Variants in OCA2 observed in about 807,000 individuals in gnomAD.
OCA2 encodes the protein P protein.
In OCA2, 77 loss-of-function variants were observed where a neutral mutation model predicts 100.2. The ratio of observed to expected loss-of-function variants is 0.77; its 90% CI spans 0.64 to 0.93. The LOEUF (loss-of-function observed/expected upper bound fraction) is 0.93, where lower values mean the gene tolerates loss of function less well. OCA2 is among the 40% of genes least tolerant of loss of function. The pLI, the probability that OCA2 is intolerant of heterozygous loss-of-function variation, is 0.00. For synonymous variants in OCA2, 432 were observed against 439.2 expected, an observed-to-expected ratio of 0.98 and a Z score of 0.21; for missense variants, 1,062 against 1,089.1, an observed-to-expected ratio of 0.98 and a Z score of 0.35.
At chr15:28,098,182 T>C (rs1167741604) in intron 1 of OCA2, among the ~76,000 whole-genome samples, 3 of 152,250 alleles carry the variant, frequency 2.0e-5, no homozygotes, top group Admixed American at 6.5e-5. Flanking sequence ...ATTACACCAA[T>C]GTGAACTGCA....
At chr15:27,845,498 G>A (rs995528225) in intron 22 of OCA2, among the ~76,000 whole-genome samples, 4 of 152,204 alleles carry the variant, frequency 2.6e-5, no homozygotes, top group African/African-American at 9.6e-5. Flanking sequence ...AAACAACCAG[G>A]TGGAACCCCT....
chr15:27,952,033 A>C lies in OCA2; in HGVS notation c.1843-141T>G, dbSNP rs186343629. ...TCTCGAACTTGAAAGAAAATGGCAA[A>C]GTACTGTGTTACAAGGAAACCCGTA... is the stretch of plus-strand genomic sequence containing the variant. On this transcript the variant is annotated intron_variant, in intron 17 of 23. Coordinates refer to ENST00000354638, the MANE Select transcript of OCA2 (RefSeq NM_000275.3). 1.1e-4 allele frequency: 76 copies of C among 720,730 alleles called. No individual in the cohort carries two copies. The African/African-American group carries it at 1.1e-3, about 11-fold the overall frequency. The allele number at this position is 720,730 out of a possible 1,614,324, so 44.6% of individuals were successfully genotyped here.
chr15:28,013,399 C>T (rs1430577775), intron 9 of OCA2, among the ~76,000 whole-genome samples: 1 of 152,140 alleles, frequency 6.6e-6, no homozygotes, highest in African/African-American at 2.4e-5. Flanking sequence ...CGGGACTATT[C>T]CCTCATTACC....
the OCA2 span, among the ~76,000 whole-genome samples, chr15:27,737,544 C>CA: frequency 2.6e-5 from 4 of 151,836 alleles, no homozygotes; most frequent in East Asian, 1.9e-4. Context: ...ATATCCATAC[C>CA]AAAAAAATGC....
rs138788647 is a variant in OCA2, at chr15:27,840,668, G to T, written c.2432+4291C>A. On this transcript the variant is annotated intron_variant, in intron 23 of 23. Coordinates refer to ENST00000354638, the MANE Select transcript of OCA2 (RefSeq NM_000275.3). ...ACAGCAACTCAACGGAGGAACCATA[G>T]CCATTGCACCAAACGGTGCTAGAGT... is the stretch of plus-strand genomic sequence containing the variant. Among the ~76,000 whole-genome samples the T allele has an allele frequency of 2.6e-3, 401 of 152,274 alleles. 2 individuals are homozygous for T. The highest frequency in any genetic ancestry group is 9.3e-3 in the African/African-American group (388 of 41,556).
chr15:27,988,502 C>CA (rs201911192), intron 11 of OCA2, among the ~76,000 whole-genome samples: 3,242 of 152,170 alleles, frequency 0.021, 54 homozygotes, highest in Middle Eastern at 0.071. Context: ...ACGGGGAAGA[C>CA]AAAGTGAAAA....
chr15:27,942,233 G>C (rs993571033), intron 18 of OCA2, among the ~76,000 whole-genome samples: 10 of 147,754 alleles, frequency 6.8e-5, no homozygotes, highest in Non-Finnish European at 1.0e-4. Flanking sequence ...TATTATATAT[G>C]ATATACATAC....
intron 9 of OCA2, among the ~76,000 whole-genome samples, chr15:27,998,642 G>A (rs1422407690): frequency 5.1e-5 from 7 of 137,322 alleles, no homozygotes; most frequent in Admixed American, 3.8e-4. Flanking sequence ...TCAGTGTGGC[G>A]ATTCCTCAGG....
intron 19 of OCA2, among the ~76,000 whole-genome samples, chr15:27,877,279 G>A (rs56128239): frequency 0.42 from 63,530 of 151,198 alleles, 15,115 homozygotes; most frequent in African/African-American, 0.63. Context: ...GACCGTGCAC[G>A]CATGACAAGA....
the OCA2 span, among the ~76,000 whole-genome samples, chr15:27,732,718 CA>C: frequency 2.4e-4 from 37 of 152,302 alleles, no homozygotes; most frequent in African/African-American, 7.7e-4. Flanking sequence ...GCACTCTGCT[CA>C]CTAGCACAAG....
intron 4 of OCA2, 127 bp downstream of exon 4, chr15:28,027,744 C>T (rs1247920305): frequency 4.1e-6 from 4 of 971,196 alleles, no homozygotes; most frequent in Admixed American, 4.1e-5. Flanking sequence ...AGGAAAAGTG[C>T]AGCCTGGCCA....
chr15:28,014,841 C>A lies in OCA2; in HGVS notation c.979G>T (p.Val327Leu), dbSNP rs749321625. 1.2e-6 allele frequency: 2 copies of A among 1,614,020 alleles called. No homozygotes were observed. The highest frequency in any genetic ancestry group is 1.7e-6 in the Non-Finnish European group (2 of 1,180,044). The stretch of plus-strand genomic sequence containing the variant: ...GTCGCGATGGTCACCTGGGTTTCTA[C>A]ACTTCCGCGGAGGTACTGATGAGCC... Reference protein sequence around the residue: ...LMAHQYLRGSVETQVTIATAI... With the variant: ...LMAHQYLRGSLETQVTIATAI... The change falls in exon 9 of 24, where the codon GTA becomes TTA. Residue 327 changes from valine to leucine, a missense_variant. By Grantham distance (32) the Val-to-Leu change is conservative. Transcript: ENST00000354638.
rs1213680494 is a variant in OCA2 at position 28,082,926 on chromosome 15, C to T, written c.-21-1031G>A. ...TGGGGCTTATATTTCAAACCACTCACCATTTTATTTTTTGCATTTTCAAGC... is the reference window on the plus strand; with the variant it reads ...TGGGGCTTATATTTCAAACCACTCATCATTTTATTTTTTGCATTTTCAAGC... On this transcript the variant is annotated intron_variant, in intron 1 of 23. Coordinates refer to ENST00000354638, the MANE Select transcript of OCA2 (RefSeq NM_000275.3). Among the ~76,000 whole-genome samples the T allele has an allele frequency of 1.3e-5, 2 of 152,150 alleles. 1 individual carries two copies. The highest frequency in any genetic ancestry group is 4.1e-4 in the South Asian group (2 of 4,832).
At chr15:27,876,098 G>C (rs2036778791) in intron 19 of OCA2, among the ~76,000 whole-genome samples, 1 of 151,966 alleles carries the variant, frequency 6.6e-6, no homozygotes, top group African/African-American at 2.4e-5. Flanking sequence ...CCAGTCTCAT[G>C]GAAAAATAAT....
At chr15:27,725,532 C>G in the OCA2 span, among the ~76,000 whole-genome samples, 1 of 152,234 alleles carries the variant, frequency 6.6e-6, no homozygotes, top group Non-Finnish European at 1.5e-5. Context: ...TGTGCCACTG[C>G]ACTCCAGCCT....
At chr15:28,006,813 T>A (rs1402108558) in intron 9 of OCA2, among the ~76,000 whole-genome samples, 1 of 152,190 alleles carries the variant, frequency 6.6e-6, no homozygotes, top group African/African-American at 2.4e-5. Context: ...CTGCAGAGCA[T>A]CATAAGAACA....
At chr15:28,076,892 G>A (rs561363359) in intron 2 of OCA2, among the ~76,000 whole-genome samples, 3 of 149,262 alleles carry the variant, frequency 2.0e-5, no homozygotes, top group African/African-American at 7.4e-5. Context: ...ATTTAAGTCT[G>A]TCAATCTGAC....
At chr15:27,793,901 G>C (rs2033203358) in intron 23 of OCA2, among the ~76,000 whole-genome samples, 1 of 152,184 alleles carries the variant, frequency 6.6e-6, no homozygotes, top group Non-Finnish European at 1.5e-5. Flanking sequence ...CACAGGCTCA[G>C]GGCAGATGAC....
At chr15:27,903,760 G>C (rs2038059703) in intron 19 of OCA2, among the ~76,000 whole-genome samples, 1 of 152,154 alleles carries the variant, frequency 6.6e-6, no homozygotes. Flanking sequence ...GCATTACCCT[G>C]GCTCACTCTT....
Sources: allele counts gnomAD v4.1 joint callset (sites outside exome capture counted in the v4.1 genomes callset), GRCh38; gene constraint gnomAD v4.1.1; transcripts MANE v1.5; gene names NCBI Gene and HGNC (gene_info 2026-07-23, HGNC 2026-07-21).